The following ARHGAP6 variants were observed in gnomAD, a reference collection of about 807,000 sequenced individuals.
ARHGAP6 encodes rho GTPase-activating protein 6.
Under a neutral mutation model 55.7 loss-of-function variants are expected in ARHGAP6, and 16 were observed. The observed-to-expected ratio is 0.29, with a 90% confidence interval of 0.19 to 0.44. ARHGAP6 has a LOEUF of 0.44. Ranked by LOEUF, ARHGAP6 falls within the 20% of genes least tolerant of loss-of-function variation. The probability of loss-of-function intolerance (pLI) is 1.00; values close to 1 mark genes in which losing one functional copy is unlikely to be tolerated. For missense variants in ARHGAP6, 698 were observed against 808.9 expected, an observed-to-expected ratio of 0.86 and a Z score of 1.66; for synonymous variants, 382 against 360.9, an observed-to-expected ratio of 1.06 and a Z score of -0.66.
chrX:11,364,850 T>C (rs906095192), intron 1 of ARHGAP6, among the ~76,000 whole-genome samples: 5 of 111,254 alleles, frequency 4.5e-5, no homozygotes, highest in African/African-American at 1.6e-4. Flanking sequence ...CTTACTTTTC[T>C]GCCATTTTGC....
intron 1 of ARHGAP6, among the ~76,000 whole-genome samples, chrX:11,494,569 G>C (rs12842303): frequency 1.3e-4 from 15 of 112,899 alleles, no homozygotes; most frequent in Non-Finnish European, 2.4e-4. Context: ...TTCCTGAAAA[G>C]AAGTTCTGCA....
chrX:11,329,582 C>T (rs1048210393), intron 1 of ARHGAP6, among the ~76,000 whole-genome samples: 14 of 112,240 alleles, frequency 1.2e-4, no homozygotes, highest in African/African-American at 4.5e-4. Context: ...AGTACAATCA[C>T]GTGTCAATGA....
intron 1 of ARHGAP6, among the ~76,000 whole-genome samples, chrX:11,280,860 A>G (rs769902201): frequency 5.4e-5 from 6 of 111,408 alleles, no homozygotes; most frequent in Non-Finnish European, 9.4e-5. Flanking sequence ...TGCAAGATAC[A>G]TTTGCAAAGA....
intron 1 of ARHGAP6, among the ~76,000 whole-genome samples, chrX:11,358,933 A>C (rs1332193866): frequency 8.9e-6 from 1 of 111,948 alleles, no homozygotes; most frequent in African/African-American, 3.2e-5. Context: ...AAGGTCCTCC[A>C]CCCATGTCTA....
intron 2 of ARHGAP6, among the ~76,000 whole-genome samples, chrX:11,227,788 T>C (rs1021781867): frequency 9.2e-6 from 1 of 108,498 alleles, no homozygotes; most frequent in Non-Finnish European, 1.9e-5. Flanking sequence ...AAAATCTTTC[T>C]TTTTCTTTTT....
intron 2 of ARHGAP6, among the ~76,000 whole-genome samples, chrX:11,243,381 TA>T (rs1405305912): frequency 8.9e-6 from 1 of 111,823 alleles, no homozygotes; most frequent in African/African-American, 3.3e-5. Context: ...TACTTCCCAG[TA>T]TTGATTTGGG....
intron 1 of ARHGAP6, among the ~76,000 whole-genome samples, chrX:11,449,151 G>A (rs894726548): frequency 8.1e-5 from 9 of 111,631 alleles, no homozygotes; most frequent in Admixed American, 6.6e-4. Context: ...AAGCCACCAA[G>A]GCTAGTGGGC....
intron 1 of ARHGAP6, among the ~76,000 whole-genome samples, chrX:11,613,911 T>C (rs996657534): frequency 6.3e-5 from 7 of 111,997 alleles, no homozygotes; most frequent in African/African-American, 2.3e-4. Flanking sequence ...TACTTTACTT[T>C]TAGCTGGGCC....
At position 11,144,117 on chromosome X, in the gene ARHGAP6, G is replaced by A. The variant is rs766240195; in HGVS notation, c.2039C>T (p.Ser680Phe). The change falls in exon 11 of 13, where the codon TCC (serine) becomes TTC (phenylalanine). Residue 680 changes from serine (S) to phenylalanine (F), a missense_variant. Transcript: ENST00000337414. ...DNNSPVLSERSLLAMQEDAAP... is the reference protein window; with the variant it reads ...DNNSPVLSERFLLAMQEDAAP... Reference sequence around the variant, plus strand: ...CGCGTCCTCTTGCATAGCCAGCAGGGAGCGCTCAGACAGCACTGGGGAGTT... The same window carrying A: ...CGCGTCCTCTTGCATAGCCAGCAGGAAGCGCTCAGACAGCACTGGGGAGTT... 2.5e-6 allele frequency: 3 copies of A among 1,209,788 alleles called. No homozygotes were observed. Among genetic ancestry groups the A allele is most frequent in the African/African-American group, 3.5e-5 (2 of 57,192 alleles).
chrX:11,300,583 C>G (rs183940749), intron 1 of ARHGAP6: 9 of 1,164,947 alleles, frequency 7.7e-6, no homozygotes, highest in Non-Finnish European at 9.3e-6. Flanking sequence ...ATTATTTTAA[C>G]TGTTCTTTTG....
At chrX:11,530,730 C>T in intron 1 of ARHGAP6, among the ~76,000 whole-genome samples, 1 of 111,472 alleles carries the variant, frequency 9.0e-6, no homozygotes, top group Middle Eastern at 4.6e-3. Flanking sequence ...GGGAAAAACA[C>T]TTCAGGCAAG....
intron 1 of ARHGAP6, among the ~76,000 whole-genome samples, chrX:11,658,985 C>A (rs2052667682): frequency 9.1e-6 from 1 of 110,367 alleles, no homozygotes; most frequent in Non-Finnish European, 1.9e-5. Context: ...CAAAAGTACA[C>A]TGTGGTACAA....
At chrX:11,392,249 G>A (rs898591463) in intron 1 of ARHGAP6, among the ~76,000 whole-genome samples, 11 of 111,699 alleles carry the variant, frequency 9.8e-5, no homozygotes, top group East Asian at 5.6e-4. Flanking sequence ...TAGCTTTTGC[G>A]TTTCCTTTTC....
rs747035110 is a variant in ARHGAP6, at chrX:11,147,405, A to G, written c.1908-3157T>C. Among the ~76,000 whole-genome samples, 201 of 112,815 alleles carry G rather than the reference A, an allele frequency of 1.8e-3. 1 individual carries two copies. The highest frequency in any genetic ancestry group is 6.4e-3 in the African/African-American group (198 of 31,083). On this transcript the variant is annotated intron_variant, in intron 10 of 12. Coordinates refer to ENST00000337414, the MANE Select transcript of ARHGAP6 (RefSeq NM_013427.3). ...TTGGAAGTAAAGACACAGAACAGAGAGAGAGTAGGATTGCTGAATGGAGGC... is the reference window on the plus strand; with the variant it reads ...TTGGAAGTAAAGACACAGAACAGAGGGAGAGTAGGATTGCTGAATGGAGGC...
At chrX:11,564,130 T>C (rs1396464751) in intron 1 of ARHGAP6, among the ~76,000 whole-genome samples, 1 of 111,923 alleles carries the variant, frequency 8.9e-6, no homozygotes, top group African/African-American at 3.2e-5. Context: ...CAGTGTTCAG[T>C]GCAACTAGGA....
At chrX:11,335,395 C>CGGTGT (rs2048620022) in intron 1 of ARHGAP6, among the ~76,000 whole-genome samples, 1 of 110,912 alleles carries the variant, frequency 9.0e-6, no homozygotes, top group Non-Finnish European at 1.9e-5. Context: ...TGACAGGCCC[C>CGGTGT]GGTGTGTAAT....
chrX:11,164,866 A>ATGAG (rs2045997027), intron 9 of ARHGAP6, among the ~76,000 whole-genome samples: 1 of 112,780 alleles, frequency 8.9e-6, no homozygotes, highest in Non-Finnish European at 1.9e-5. Context: ...AAGAGCAATG[A>ATGAG]TGAGTTTTCT....
At chrX:11,452,337 G>C (rs755022272) in intron 1 of ARHGAP6, among the ~76,000 whole-genome samples, 1 of 110,835 alleles carries the variant, frequency 9.0e-6, no homozygotes, top group African/African-American at 3.3e-5. Context: ...TAGTAGAGAC[G>C]GGGTTTCACC....
chrX:11,632,418 A>G (rs1447119268), intron 1 of ARHGAP6, among the ~76,000 whole-genome samples: 1 of 112,295 alleles, frequency 8.9e-6, no homozygotes, highest in East Asian at 2.8e-4. Flanking sequence ...CATTTATGTG[A>G]CTTTATTAAA....
Sources: allele counts gnomAD v4.1 joint callset (sites outside exome capture counted in the v4.1 genomes callset), GRCh38; gene constraint gnomAD v4.1.1; transcripts MANE v1.5; gene names NCBI Gene and HGNC (gene_info 2026-07-23, HGNC 2026-07-21).